SLC25A25: variants seen among roughly 807,000 people sequenced by gnomAD.
SLC25A25 encodes solute carrier family 25 member 25.
SLC25A25 carries 32 observed loss-of-function variants against 57.7 expected under a neutral mutation model. That is an observed-to-expected ratio of 0.55 (90% CI 0.42 to 0.74). SLC25A25 has a LOEUF of 0.74. Among genes scored for constraint, SLC25A25 ranks in the 30% least tolerant of loss-of-function variants. SLC25A25 has a pLI of 0.00. For missense variants in SLC25A25, 556 were observed against 701.3 expected (o/e 0.79, Z 2.34); for synonymous variants, 306 against 291.2 (o/e 1.05, Z -0.52).
Position 128,101,188 on chromosome 9 carries a change from G to T in SLC25A25, c.354G>T (p.Arg118Ser). ...TCCAAGATCATGAGAAGAAGCTGAGGCTGGTGTTTAAGAGTTTGGACAAAA... is the reference window on the plus strand; with the variant it reads ...TCCAAGATCATGAGAAGAAGCTGAGTCTGGTGTTTAAGAGTTTGGACAAAA... Reference protein sequence around the residue: ...HYLQDHEKKLRLVFKSLDKKN... With the variant: ...HYLQDHEKKLSLVFKSLDKKN... Residue 118 changes from arginine (R) to serine (S), a missense_variant, in exon 2 of 11, where the codon AGG becomes AGT. Physicochemically the swap from Arg to Ser is moderately radical, Grantham distance 110 (BLOSUM62 -1). Coordinates refer to ENST00000373069, the MANE Select transcript of SLC25A25 (RefSeq NM_001330988.2). This position sits in a 1 kb window ranked among gnomAD's most constrained non-coding sequence, Gnocchi z 4.9. 6.4e-7 allele frequency: 1 copy of T among 1,558,934 alleles called. No homozygotes were observed.
At chr9:128,098,863 G>T (rs745604634) in intron 1 of SLC25A25, 3 of 1,491,960 alleles carry the variant, frequency 2.0e-6, no homozygotes, top group Non-Finnish European at 2.7e-6. Flanking sequence ...ATTGCCATGC[G>T]GCTATGGCCG....
At chr9:128,079,971 CAG>C (rs1833112161) in intron 1 of SLC25A25, among the ~76,000 whole-genome samples, 1 of 147,496 alleles carries the variant, frequency 6.8e-6, no homozygotes, top group Admixed American at 6.8e-5. Flanking sequence ...AGCCTGCTGA[CAG>C]AGCGAGACTC....
At chr9:128,093,156 C>T (rs1047116684) in intron 1 of SLC25A25, among the ~76,000 whole-genome samples, 1 of 152,216 alleles carries the variant, frequency 6.6e-6, no homozygotes, top group African/African-American at 2.4e-5. Flanking sequence ...GATGTAATAA[C>T]ATTTGCAGTC....
Position 128,102,130 on chromosome 9 carries a change from C to T in SLC25A25, c.512+15C>T, listed in dbSNP as rs1156646477. On this transcript the variant is annotated intron_variant, in intron 4 of 10. Transcript: ENST00000373069. This position sits in a 1 kb window ranked among gnomAD's most constrained non-coding sequence, Gnocchi z 4.1. ...CCTGTCACCTAGTAAGTATCCATGT[C>T]GCTCATGACTGCCTCCCTTGACTTC... The T allele has an allele frequency of 1.3e-6, 2 of 1,550,552 alleles. No homozygotes were observed. The highest frequency in any genetic ancestry group is 1.7e-6 in the Non-Finnish European group (2 of 1,146,938).
At chr9:128,100,345 C>CG (rs966107776) in intron 1 of SLC25A25, among the ~76,000 whole-genome samples, 244 of 148,804 alleles carry the variant, frequency 1.6e-3, no homozygotes, top group South Asian at 2.8e-3. Flanking sequence ...GAGGCGGGGG[C>CG]GGGGGGGGTT....
rs1588776698 is a variant in SLC25A25, at chr9:128,098,484, T to TATGCAAGTTTCCC, written c.262-2611_262-2599dup. The TATGCAAGTTTCCC allele has an allele frequency of 2.3e-5, 35 of 1,537,528 alleles. No individual in the cohort carries two copies. The East Asian group carries it at 7.8e-4, about 34-fold the overall frequency. ...ATGACAGCTGAGGCCAGGCTTGTCTTATGCAAGTTTCCCGGGACCGGCAGC... is the reference window on the plus strand; with the variant it reads ...ATGACAGCTGAGGCCAGGCTTGTCTTATGCAAGTTTCCCATGCAAGTTTCCCGGGACCGGCAGC... On this transcript the variant is annotated intron_variant, in intron 1 of 10. Coordinates refer to ENST00000373069, the MANE Select transcript of SLC25A25 (RefSeq NM_001330988.2).
intron 6 of SLC25A25, among the ~76,000 whole-genome samples, 176 bp from the exon 7 acceptor site, chr9:128,105,553 G>A (rs547300865): frequency 6.6e-6 from 1 of 152,330 alleles, no homozygotes; most frequent in African/African-American, 2.4e-5. Context: ...ATGGAGCTGA[G>A]CCTCACTTAG....
intron 1 of SLC25A25, among the ~76,000 whole-genome samples, chr9:128,070,758 C>A (rs1832887952): frequency 6.6e-6 from 1 of 150,966 alleles, no homozygotes; most frequent in African/African-American, 2.4e-5. Flanking sequence ...TTGAGACCAG[C>A]CTGACCAATT....
chr9:128,096,655 T>C (rs1445056477), intron 1 of SLC25A25, among the ~76,000 whole-genome samples: 1 of 152,238 alleles, frequency 6.6e-6, no homozygotes, highest in Non-Finnish European at 1.5e-5. Flanking sequence ...CCTGAGCTAA[T>C]TCACTCATTT....
At chr9:128,098,751 G>C in intron 1 of SLC25A25, 1 of 1,611,294 alleles carries the variant, frequency 6.2e-7, no homozygotes, top group African/African-American at 1.3e-5. Context: ...GCGCGGAAGG[G>C]AGAGGCGCAT....
At chr9:128,100,944 G>A (rs910912656) in intron 1 of SLC25A25, 152 bp from the exon 2 acceptor site, 6 of 1,041,936 alleles carry the variant, frequency 5.8e-6, no homozygotes, top group Admixed American at 2.7e-5. Flanking sequence ...GATTGCCATG[G>A]TGGCTCTGAG....
intron 1 of SLC25A25, among the ~76,000 whole-genome samples, chr9:128,097,306 C>T (rs934512654): frequency 1.3e-5 from 2 of 152,224 alleles, no homozygotes; most frequent in Admixed American, 6.5e-5. Flanking sequence ...GAGGGTCGTC[C>T]TGCCCTGAAA....
chr9:128,077,253 C>T (rs903436691), intron 1 of SLC25A25, among the ~76,000 whole-genome samples: 1 of 151,996 alleles, frequency 6.6e-6, no homozygotes, highest in Admixed American at 6.6e-5. Context: ...CGCGGCCGGG[C>T]GCGGTGGCTC....
rs1283517566 is a variant in SLC25A25, at chr9:128,108,832, G to T, written c.*1388G>T. The T allele has an allele frequency of 1.3e-5, 2 of 152,230 alleles. No homozygotes were observed. Among genetic ancestry groups the T allele is most frequent in the East Asian group, 3.9e-4 (2 of 5,192 alleles). The allele number at this position is 152,230 out of a possible 1,614,324, so 9.4% of individuals were successfully genotyped here. A position where few individuals can be genotyped will look rare whatever the true frequency, so the allele number is the denominator to read the frequency against. On this transcript the variant is annotated 3_prime_UTR_variant, in exon 11 of 11. Coordinates refer to ENST00000373069, the MANE Select transcript of SLC25A25 (RefSeq NM_001330988.2). The stretch of plus-strand genomic sequence containing the variant: ...CTTAGGATTTCAGGGTTTGACTGGG[G>T]GCGTGGAGAGAGAGGGAGGAACCTC...
At chr9:128,086,041 G>A (rs1235935128) in intron 1 of SLC25A25, among the ~76,000 whole-genome samples, 1 of 151,982 alleles carries the variant, frequency 6.6e-6, no homozygotes, top group Non-Finnish European at 1.5e-5. Flanking sequence ...TACATACTTT[G>A]TATGAGTTGA....
chr9:128,107,798 C>G lies in SLC25A25; in HGVS notation c.*354C>G, dbSNP rs984119892. 3 of 406,102 alleles carry G rather than the reference C, an allele frequency of 7.4e-6. No homozygotes were observed. Among genetic ancestry groups the G allele is most frequent in the African/African-American group, 6.1e-5 (3 of 48,790 alleles). The allele number at this position is 406,102 out of a possible 1,614,324, so 25.2% of individuals were successfully genotyped here. On this transcript the variant is annotated 3_prime_UTR_variant, in exon 11 of 11. Coordinates refer to ENST00000373069, the MANE Select transcript of SLC25A25 (RefSeq NM_001330988.2). ...TCTTCCATTTCACCCTTGCAGCCAGCTGTTGGCCACGGCCCCTGCCCTCTG... is the reference window on the plus strand; with the variant it reads ...TCTTCCATTTCACCCTTGCAGCCAGGTGTTGGCCACGGCCCCTGCCCTCTG...
intron 1 of SLC25A25, among the ~76,000 whole-genome samples, chr9:128,089,637 T>C (rs1198481571): frequency 6.8e-6 from 1 of 146,100 alleles, no homozygotes; most frequent in African/African-American, 2.5e-5. Context: ...AGATTGTCTT[T>C]TTTTTTTTTT....
intron 1 of SLC25A25, among the ~76,000 whole-genome samples, chr9:128,084,548 A>G (rs1006099736): frequency 4.6e-5 from 7 of 152,124 alleles, no homozygotes; most frequent in Admixed American, 3.3e-4. Flanking sequence ...GAACCCACCT[A>G]TGATCTGGAA....
intron 1 of SLC25A25, among the ~76,000 whole-genome samples, chr9:128,074,981 C>G (rs886125489): frequency 2.6e-5 from 4 of 152,134 alleles, no homozygotes; most frequent in African/African-American, 9.6e-5. Context: ...ACTAAAAATA[C>G]AAAACTTAGC....
Sources: allele counts gnomAD v4.1 joint callset (sites outside exome capture counted in the v4.1 genomes callset), GRCh38; gene constraint gnomAD v4.1.1; non-coding constraint Gnocchi (gnomAD v3.1); transcripts MANE v1.5; gene names NCBI Gene and HGNC (gene_info 2026-07-23, HGNC 2026-07-21).